Variants in PKNOX1 observed in about 807,000 individuals in gnomAD.
PKNOX1 encodes PBX/knotted 1 homeobox 1.
Under a neutral mutation model 51.9 loss-of-function variants are expected in PKNOX1, and 15 were observed. That is an observed-to-expected ratio of 0.29 (90% CI 0.19 to 0.45). The LOEUF (loss-of-function observed/expected upper bound fraction) is 0.45, where lower values mean the gene tolerates loss of function less well. PKNOX1 is among the 20% of genes least tolerant of loss of function. The pLI, the probability that PKNOX1 is intolerant of heterozygous loss-of-function variation, is 1.00. For synonymous variants in PKNOX1, 219 were observed against 211.1 expected, an observed-to-expected ratio of 1.04 and a Z score of -0.32; for missense variants, 462 against 547.5, an observed-to-expected ratio of 0.84 and a Z score of 1.56.
chr21:43,020,140 C>T (rs762582688), intron 7 of PKNOX1, among the ~76,000 whole-genome samples: 54 of 152,076 alleles, frequency 3.6e-4, no homozygotes, highest in Admixed American at 8.5e-4. Flanking sequence ...ACTATGTTGC[C>T]CATGCTGGTC....
chr21:43,021,207 G>A lies in PKNOX1; in HGVS notation c.721-96G>A. On this transcript the variant is annotated intron_variant, in intron 7 of 10. Transcript: ENST00000291547. This position sits in a 1 kb window ranked among gnomAD's most constrained non-coding sequence, Gnocchi z 4.6. ...GGGCCTCGACTACAATCATTTCCCTGTCCGATCCTTGGCTGTTTTCTCCAC... is the reference window on the plus strand; with the variant it reads ...GGGCCTCGACTACAATCATTTCCCTATCCGATCCTTGGCTGTTTTCTCCAC... The A allele has an allele frequency of 2.0e-6, 2 of 1,017,210 alleles. No individual in the cohort carries two copies. The highest frequency in any genetic ancestry group is 2.9e-6 in the Non-Finnish European group (2 of 693,524). The allele number at this position is 1,017,210 out of a possible 1,614,324, so 63.0% of individuals were successfully genotyped here. A position where few individuals can be genotyped will look rare whatever the true frequency, so the allele number is the denominator to read the frequency against.
chr21:43,000,177 T>C (rs1978688771), intron 1 of PKNOX1, among the ~76,000 whole-genome samples: 1 of 152,208 alleles, frequency 6.6e-6, no homozygotes, highest in Non-Finnish European at 1.5e-5. Context: ...TCCAAACTGT[T>C]GCACCCTCTG....
At chr21:43,010,660 G>A (rs922204780) in intron 4 of PKNOX1, among the ~76,000 whole-genome samples, 2 of 151,868 alleles carry the variant, frequency 1.3e-5, no homozygotes, top group African/African-American at 4.8e-5. Flanking sequence ...GACCAGCCTG[G>A]CCAACATCTG....
At chr21:43,022,178 T>G (rs1979789378) in intron 8 of PKNOX1, among the ~76,000 whole-genome samples, 1 of 152,190 alleles carries the variant, frequency 6.6e-6, no homozygotes, top group Admixed American at 6.5e-5. Context: ...TCGCCACTGA[T>G]TGTTGTGAGG....
chr21:42,995,212 A>C (rs542186831), intron 1 of PKNOX1, among the ~76,000 whole-genome samples: 109 of 152,110 alleles, frequency 7.2e-4, no homozygotes, highest in African/African-American at 2.5e-3. Context: ...GTGAACCACC[A>C]CACCTGGCCG....
chr21:43,028,933 G>C, intron 10 of PKNOX1, 59 bp downstream of exon 10: 1 of 1,551,586 alleles, frequency 6.4e-7, no homozygotes, highest in Non-Finnish European at 8.9e-7. Context: ...TTATGAACAA[G>C]AGGCCTGGAT....
intron 1 of PKNOX1, among the ~76,000 whole-genome samples, chr21:42,994,193 A>G (rs1479921408): frequency 7.0e-6 from 1 of 143,090 alleles, no homozygotes. Flanking sequence ...GACATGTGCC[A>G]TCATGCCCAG....
chr21:43,026,204 CCCTGACTTGCTACT>C, intron 9 of PKNOX1, among the ~76,000 whole-genome samples: 1 of 152,248 alleles, frequency 6.6e-6, no homozygotes, highest in African/African-American at 2.4e-5. Context: ...TCCTGGTGTT[CCCTGACTTGCTACT>C]ATGTTACATT....
In PKNOX1 at chr21:42,988,630, C is replaced by T. The variant is rs541723092; in HGVS notation, c.-57+13966C>T. 2.9e-4 allele frequency among the ~76,000 whole-genome samples: 44 copies of T among 152,268 alleles called. 1 individual carries two copies. In the South Asian group the frequency reaches 6.0e-3, roughly 21 times the overall value. On this transcript the variant is annotated intron_variant, in intron 1 of 10. Coordinates refer to ENST00000291547, the MANE Select transcript of PKNOX1 (RefSeq NM_004571.5). The stretch of plus-strand genomic sequence containing the variant: ...GCTTCAGTGACTAGTTCCCATTGAG[C>T]GCTGGGACACGCTTTGCTGAGAGTC...
In PKNOX1 at chr21:43,029,874, C is replaced by T; in HGVS notation, c.1100-16C>T. ...AGTACTAATTTAAATAATGACACAC[C>T]TTCATCCTGCCGCAGGAGCTGTTGT... On this transcript the variant is annotated splice_polypyrimidine_tract_variant and intron_variant, in intron 10 of 10. Coordinates refer to ENST00000291547, the MANE Select transcript of PKNOX1 (RefSeq NM_004571.5). 6.2e-7 allele frequency: 1 copy of T among 1,606,850 alleles called. No homozygotes were observed. The highest frequency in any genetic ancestry group is 8.5e-7 in the Non-Finnish European group (1 of 1,173,882).
At position 43,007,562 on chromosome 21, in the gene PKNOX1, C is replaced by G; in HGVS notation, c.123C>G (p.Ser41Arg). 6.2e-7 allele frequency: 1 copy of G among 1,613,988 alleles called. No homozygotes were observed. The highest frequency in any genetic ancestry group is 8.5e-7 in the Non-Finnish European group (1 of 1,179,852). ...CTGAACCCGATGCAGAAGGAGTGAGCCCTCCCCCTGTGGAGTCTCAGACCC... is the reference window on the plus strand; with the variant it reads ...CTGAACCCGATGCAGAAGGAGTGAGGCCTCCCCCTGTGGAGTCTCAGACCC... ...NCSEPDAEGV[S>R]PPPVESQTPM... Residue 41 changes from serine to arginine, a missense_variant, in exon 3 of 11, where the codon AGC becomes AGG. Ser to Arg is a moderately radical substitution (Grantham distance 110). This residue lies in a region of PKNOX1 where 129 missense variants were observed against 133.4 expected (regional missense o/e 0.97). Coordinates refer to ENST00000291547, the MANE Select transcript of PKNOX1 (RefSeq NM_004571.5).
chr21:43,012,569 A>AAACAC (rs1473704315), intron 4 of PKNOX1, among the ~76,000 whole-genome samples: 1 of 152,260 alleles, frequency 6.6e-6, no homozygotes, highest in Non-Finnish European at 1.5e-5. Flanking sequence ...CTCTGTCTCA[A>AAACAC]AAAACAAAAC....
intron 1 of PKNOX1, chr21:43,004,100 G>A (rs1317036783): frequency 7.2e-6 from 2 of 276,080 alleles, no homozygotes; most frequent in Admixed American, 9.9e-5. Flanking sequence ...ATCCAGGCAT[G>A]GTGGCACATG....
At chr21:42,992,253 CCTTAT>C (rs1470845409) in intron 1 of PKNOX1, among the ~76,000 whole-genome samples, 2 of 152,184 alleles carry the variant, frequency 1.3e-5, no homozygotes, top group Non-Finnish European at 2.9e-5. Flanking sequence ...GTGAGTTCGA[CCTTAT>C]CTTAGAAGCA....
intron 1 of PKNOX1, among the ~76,000 whole-genome samples, chr21:42,976,445 G>T (rs1490706792): frequency 6.6e-6 from 1 of 152,126 alleles, no homozygotes; most frequent in Non-Finnish European, 1.5e-5. Flanking sequence ...TGCATTGATG[G>T]ACTCCTCCTT....
chr21:43,011,965 G>A (rs1319920945), intron 4 of PKNOX1, among the ~76,000 whole-genome samples: 1 of 152,154 alleles, frequency 6.6e-6, no homozygotes, highest in South Asian at 2.1e-4. Flanking sequence ...CCAGTGAGTA[G>A]AGCACAGGTG....
chr21:42,979,391 T>G (rs919855228), intron 1 of PKNOX1, among the ~76,000 whole-genome samples: 1 of 152,214 alleles, frequency 6.6e-6, no homozygotes, highest in African/African-American at 2.4e-5. Context: ...GATCTTCAAC[T>G]TGTGAAAAAC....
intron 8 of PKNOX1, among the ~76,000 whole-genome samples, chr21:43,023,464 C>T (rs1156891423): frequency 6.6e-6 from 1 of 152,078 alleles, no homozygotes; most frequent in East Asian, 1.9e-4. Flanking sequence ...CTCTTGGGTC[C>T]TTGTTGATCC....
chr21:43,008,061 T>TCTCTCACACACACACACACACACACA (rs59792199), intron 3 of PKNOX1, among the ~76,000 whole-genome samples: 5 of 146,776 alleles, frequency 3.4e-5, no homozygotes, highest in Non-Finnish European at 6.0e-5. Context: ...CAAAACTCTG[T>TCTCTCACACACACACACACACACACA]CACACACACA....
Sources: allele counts gnomAD v4.1 joint callset (sites outside exome capture counted in the v4.1 genomes callset), GRCh38; gene constraint gnomAD v4.1.1; regional missense constraint gnomAD v4.1.1; non-coding constraint Gnocchi (gnomAD v3.1); transcripts MANE v1.5; gene names NCBI Gene and HGNC (gene_info 2026-07-23, HGNC 2026-07-21).